Variants in GET1 observed in about 807,000 individuals in gnomAD.
The protein encoded by GET1 is guided entry of tail-anchored proteins factor 1.
GET1 carries 20 observed loss-of-function variants against 22.6 expected under a neutral mutation model. The observed-to-expected ratio is 0.89, with a 90% CI of 0.62 to 1.29. GET1 has a LOEUF of 1.29. Among genes scored for constraint, GET1 ranks in the 50% most tolerant of loss-of-function variants. The probability of loss-of-function intolerance (pLI) is 0.00; values close to 1 mark genes in which losing one functional copy is unlikely to be tolerated. For missense variants in GET1, 209 were observed against 219.9 expected (o/e 0.95, Z 0.31); for synonymous variants, 92 against 83.8 (o/e 1.10, Z -0.53).
At chr21:39,424,045 C>T (rs1386646149) in intron 1 of GET1, among the ~76,000 whole-genome samples, 1 of 152,058 alleles carries the variant, frequency 6.6e-6, no homozygotes, top group African/African-American at 2.4e-5. Context: ...TGGAGTCTCC[C>T]TCCATTGCCC....
In GET1 at chr21:39,387,841, A is replaced by G. The variant is rs1032378890; in HGVS notation, c.103-2857A>G. On this transcript the variant is annotated intron_variant, in intron 1 of 4. Coordinates refer to ENST00000649170, the MANE Select transcript of GET1 (RefSeq NM_004627.6). Reference sequence around the variant, plus strand: ...TGGAGAGTTGTCCCTACTGTGCGGCAGGCGGAGGAGACCTGTAAGCTGGAA... The same window carrying G: ...TGGAGAGTTGTCCCTACTGTGCGGCGGGCGGAGGAGACCTGTAAGCTGGAA... The G allele has an allele frequency of 3.0e-6, 3 of 984,668 alleles. No individual in the cohort carries two copies. In the South Asian group the frequency reaches 1.4e-4, roughly 46 times the overall value. 61.0% of individuals were successfully genotyped at this position (984,668 alleles called of 1,614,324 possible).
intron 1 of GET1, among the ~76,000 whole-genome samples, chr21:39,415,467 C>G (rs1395553777): frequency 2.0e-5 from 3 of 152,220 alleles, no homozygotes; most frequent in Non-Finnish European, 4.4e-5. Context: ...TTCCCACTCT[C>G]TCTGACCACT....
At chr21:39,423,083 C>T (rs2074038367) in intron 1 of GET1, 1 of 1,613,950 alleles carries the variant, frequency 6.2e-7, no homozygotes. Context: ...TTCTGCAGTG[C>T]CTGCAAGATA....
At position 39,397,067 on chromosome 21, in the gene GET1, T is replaced by C; in HGVS notation, c.*128T>C. 1.0e-6 allele frequency: 1 copy of C among 953,446 alleles called. No homozygotes were observed. Among genetic ancestry groups the C allele is most frequent in the Non-Finnish European group, 1.6e-6 (1 of 641,040 alleles). The allele number at this position is 953,446 out of a possible 1,614,324, so 59.1% of individuals were successfully genotyped here. A position where few individuals can be genotyped will look rare whatever the true frequency, so the allele number is the denominator to read the frequency against. On this transcript the variant is annotated 3_prime_UTR_variant, in exon 5 of 5. Transcript: ENST00000649170. ...GTTTAGATTTTTTTTTTGTTGAATA[T>C]GTTTGTTCTTGGACTTTATGAGAGA...
At chr21:39,384,339 C>T (rs2037749383) in intron 1 of GET1, among the ~76,000 whole-genome samples, 1 of 151,988 alleles carries the variant, frequency 6.6e-6, no homozygotes, top group South Asian at 2.1e-4. Flanking sequence ...TCACTGCAAC[C>T]TCTGCCTCCT....
intron 1 of GET1, among the ~76,000 whole-genome samples, chr21:39,382,420 A>G (rs1421735109): frequency 2.9e-4 from 44 of 152,066 alleles, no homozygotes; most frequent in Admixed American, 2.8e-3. Context: ...ACAACTTTCC[A>G]TTCCTACCTC....
At chr21:39,394,828 A>G (rs1442226254) in intron 4 of GET1, among the ~76,000 whole-genome samples, 1 of 152,158 alleles carries the variant, frequency 6.6e-6, no homozygotes, top group Non-Finnish European at 1.5e-5. Flanking sequence ...GGGGGATACA[A>G]ACATTCAGAC....
At chr21:39,419,030 C>G (rs114772476) in intron 1 of GET1, among the ~76,000 whole-genome samples, 2 of 152,000 alleles carry the variant, frequency 1.3e-5, no homozygotes, top group East Asian at 3.9e-4. Context: ...AAAAGGAACT[C>G]TTTTTTCTTC....
downstream of GET1, among the ~76,000 whole-genome samples, chr21:39,398,273 T>C (rs1456471921): frequency 3.3e-5 from 5 of 152,112 alleles, no homozygotes; most frequent in Non-Finnish European, 7.4e-5. Flanking sequence ...AGACGAAATA[T>C]AGCACCAAGG....
downstream of GET1, chr21:39,411,212 AG>A (rs1165873894): frequency 1.2e-5 from 3 of 258,970 alleles, no homozygotes; most frequent in Non-Finnish European, 2.3e-5. Context: ...GCCTCGGGTG[AG>A]GTAGGGGACT....
chr21:39,421,907 G>A lies in GET1; in HGVS notation c.*24-6325G>A, dbSNP rs78146041. On this transcript the variant is annotated intron_variant, in intron 1 of 1. Coordinates refer to the GET1 transcript ENST00000478273. Reference sequence around the variant, plus strand: ...GAAAATAGTTATGGAATTTGTTTTGGTTTTATGTATAGATATAAAAACATG... The same window carrying A: ...GAAAATAGTTATGGAATTTGTTTTGATTTTATGTATAGATATAAAAACATG... 646 of 152,186 alleles carry A rather than the reference G, an allele frequency of 4.2e-3. 4 individuals carry two copies. Among genetic ancestry groups the A allele is most frequent in the African/African-American group, 0.015 (633 of 41,526 alleles). 9.4% of individuals were successfully genotyped at this position (152,186 alleles called of 1,614,324 possible).
downstream of GET1, among the ~76,000 whole-genome samples, chr21:39,399,508 G>C (rs186523611): frequency 3.3e-5 from 5 of 152,164 alleles, no homozygotes; most frequent in East Asian, 9.7e-4. Flanking sequence ...GCAGTGGCGC[G>C]ATCTCGGCTC....
intron 1 of GET1, chr21:39,427,888 A>G (rs892398371): frequency 4.8e-6 from 1 of 210,322 alleles, no homozygotes; most frequent in Non-Finnish European, 9.4e-6. Flanking sequence ...GGTACTCTGT[A>G]ACAAGGCCAC....
rs1332029852 is a variant in GET1 at position 39,420,889 on chromosome 21, G to A, written c.*24-7343G>A. 2.0e-6 allele frequency: 3 copies of A among 1,469,566 alleles called. No homozygotes were observed. In the African/African-American group the frequency reaches 4.2e-5, roughly 21 times the overall value. The allele number at this position is 1,469,566 out of a possible 1,614,324, so 91.0% of individuals were successfully genotyped here. The stretch of plus-strand genomic sequence containing the variant: ...AACTATTCTGCAACCAAGTTAGTAT[G>A]TTAAAAACTTCAATTATCATGGAAC... On this transcript the variant is annotated intron_variant, in intron 1 of 1. Coordinates refer to the GET1 transcript ENST00000478273.
At chr21:39,385,062 C>T (rs2037797208) in intron 1 of GET1, among the ~76,000 whole-genome samples, 2 of 152,148 alleles carry the variant, frequency 1.3e-5, no homozygotes, top group African/African-American at 4.8e-5. Flanking sequence ...GCTGCTCCTT[C>T]ACCATCGTCA....
At chr21:39,419,825 T>G (rs1166052729) in intron 1 of GET1, among the ~76,000 whole-genome samples, 3 of 152,218 alleles carry the variant, frequency 2.0e-5, no homozygotes, top group Non-Finnish European at 4.4e-5. Context: ...GCATCTTATC[T>G]AAATTGTTGG....
chr21:39,395,184 T>G (rs1037230165), intron 4 of GET1, among the ~76,000 whole-genome samples: 3 of 152,140 alleles, frequency 2.0e-5, no homozygotes, highest in African/African-American at 7.2e-5. Flanking sequence ...ATTTCTTTAT[T>G]AAGGAATTTT....
chr21:39,412,596 A>G (rs1304699701), intron 1 of GET1, among the ~76,000 whole-genome samples: 1 of 150,510 alleles, frequency 6.6e-6, no homozygotes, highest in African/African-American at 2.5e-5. Flanking sequence ...ACAGACGTGC[A>G]TGTGCACACA....
chr21:39,387,730 A>G, intron 1 of GET1: 5 of 952,058 alleles, frequency 5.3e-6, no homozygotes, highest in Non-Finnish European at 6.2e-6. Context: ...AGGCGCTGGT[A>G]GGCGGCATCA....
Sources: gnomAD v4.1 joint callset for allele counts (sites outside exome capture counted in the v4.1 genomes callset) on GRCh38, gnomAD v4.1.1 for gene constraint, MANE v1.5 for transcripts, NCBI Gene and HGNC (gene_info 2026-07-23, HGNC 2026-07-21) for gene names.